LRP1B: variants seen among roughly 807,000 people sequenced by gnomAD.
LRP1B encodes low-density lipoprotein receptor-related protein 1B.
A neutral mutation model predicts 556.6 loss-of-function variants in LRP1B; 217 were observed. The ratio of observed to expected loss-of-function variants is 0.39; its 90% CI spans 0.35 to 0.44. The LOEUF (loss-of-function observed/expected upper bound fraction) is 0.44, where lower values mean the gene tolerates loss of function less well. LRP1B is among the 20% of genes least tolerant of loss of function. The pLI is 1.00. For synonymous variants in LRP1B, 2,047 were observed against 1,865.8 expected, an observed-to-expected ratio of 1.10 and a Z score of -2.50; for missense variants, 5,053 against 5,620.8, an observed-to-expected ratio of 0.90 and a Z score of 3.23.
At chr2:141,947,661 A>G (rs1456310201) in intron 1 of LRP1B, among the ~76,000 whole-genome samples, 2 of 152,120 alleles carry the variant, frequency 1.3e-5, no homozygotes, top group Non-Finnish European at 2.9e-5. Flanking sequence ...CTCTTTAAGT[A>G]TTAGGATTCC....
At chr2:141,033,425 G>C (rs965176636) in intron 11 of LRP1B, among the ~76,000 whole-genome samples, 1 of 152,008 alleles carries the variant, frequency 6.6e-6, no homozygotes, top group Non-Finnish European at 1.5e-5. Context: ...CTGTTGTGCT[G>C]AGAATAAGCT....
At chr2:141,544,091 C>T (rs1685368438) in intron 2 of LRP1B, among the ~76,000 whole-genome samples, 1 of 152,060 alleles carries the variant, frequency 6.6e-6, no homozygotes, top group Admixed American at 6.5e-5. Flanking sequence ...GGTCTTACCC[C>T]ACATTTCCAT....
At chr2:141,898,135 G>C (rs1558947833) in intron 1 of LRP1B, among the ~76,000 whole-genome samples, 1 of 152,068 alleles carries the variant, frequency 6.6e-6, no homozygotes, top group Non-Finnish European at 1.5e-5. Context: ...AGTAGGATTT[G>C]TTCCCTTCTG....
chr2:141,165,694 T>C (rs1363169412), intron 7 of LRP1B, among the ~76,000 whole-genome samples: 1 of 151,990 alleles, frequency 6.6e-6, no homozygotes, highest in Non-Finnish European at 1.5e-5. Context: ...GGAATAACAA[T>C]AGCAAAGAGG....
At chr2:141,743,501 C>CTTTTTTTTTTTTTTTTTTTTTT (rs796287062) in intron 2 of LRP1B, among the ~76,000 whole-genome samples, 14 of 119,022 alleles carry the variant, frequency 1.2e-4, no homozygotes, top group Non-Finnish European at 1.3e-4. Context: ...TTTTTTTTTT[C>CTTTTTTTTTTTTTTTTTTTTTT]TTTTTTTTTT....
intron 35 of LRP1B, among the ~76,000 whole-genome samples, chr2:140,762,850 A>T (rs1214785018): frequency 2.0e-5 from 3 of 152,184 alleles, no homozygotes; most frequent in Admixed American, 6.6e-5. Flanking sequence ...GCTATCAAAA[A>T]GACAAATTGA....
chr2:140,549,214 C>T (rs562764924), intron 43 of LRP1B, among the ~76,000 whole-genome samples: 3 of 152,162 alleles, frequency 2.0e-5, no homozygotes, highest in South Asian at 2.1e-4. Flanking sequence ...CCTGAGATTC[C>T]GCATTTCTCA....
intron 3 of LRP1B, among the ~76,000 whole-genome samples, chr2:141,406,541 A>G (rs1690641111): frequency 7.4e-6 from 1 of 135,914 alleles, no homozygotes; most frequent in East Asian, 2.4e-4. Context: ...TAGAGTATCT[A>G]TCTATCATCT....
intron 1 of LRP1B, among the ~76,000 whole-genome samples, chr2:141,883,094 C>T (rs1228701251): frequency 6.6e-6 from 1 of 152,104 alleles, no homozygotes; most frequent in Non-Finnish European, 1.5e-5. Flanking sequence ...GCCAAATAGA[C>T]AGTGACATAT....
rs1573965449 is a variant in LRP1B, at chr2:141,456,681, C to G, written c.343+23715G>C. On this transcript the variant is annotated intron_variant, in intron 3 of 90. Transcript: ENST00000389484. ...AGTCAACTTAGTTCAAAGAAATCTT[C>G]CTAGAGTTAAAATGCCTGGGCTGAG... Among the ~76,000 whole-genome samples the G allele has an allele frequency of 2.6e-5, 4 of 152,132 alleles. No individual in the cohort carries two copies. In the South Asian group the frequency reaches 8.3e-4, roughly 32 times the overall value.
chr2:142,074,874 CA>C (rs1705443948), intron 1 of LRP1B, among the ~76,000 whole-genome samples: 1 of 152,090 alleles, frequency 6.6e-6, no homozygotes, highest in South Asian at 2.1e-4. Flanking sequence ...TGACCTTCTT[CA>C]TCTAATCTTT....
chr2:141,929,584 G>A (rs545836005), intron 1 of LRP1B, among the ~76,000 whole-genome samples: 4 of 151,896 alleles, frequency 2.6e-5, no homozygotes, highest in South Asian at 2.1e-4. Context: ...TGATTGCTTC[G>A]TTCATCACGG....
At chr2:141,200,692 T>G (rs1274682456) in intron 6 of LRP1B, among the ~76,000 whole-genome samples, 1 of 152,118 alleles carries the variant, frequency 6.6e-6, no homozygotes, top group African/African-American at 2.4e-5. Context: ...AATTTTATTT[T>G]TCTTGTAGTT....
chr2:140,555,397 A>G (rs181883809), intron 43 of LRP1B, among the ~76,000 whole-genome samples: 2 of 152,236 alleles, frequency 1.3e-5, no homozygotes, highest in Non-Finnish European at 2.9e-5. Context: ...GCCTAGGACT[A>G]TTAGCATGGG....
chr2:142,028,001 C>CAGATTACAAATACAAACTT (rs1703566172), intron 1 of LRP1B, among the ~76,000 whole-genome samples: 1 of 151,914 alleles, frequency 6.6e-6, no homozygotes, highest in Non-Finnish European at 1.5e-5. Context: ...ACTTACAAGA[C>CAGATTACAAATACAAACTT]AGAAGTTAAC....
intron 1 of LRP1B, among the ~76,000 whole-genome samples, chr2:142,044,050 CATATT>C (rs1462154235): frequency 6.6e-6 from 1 of 151,620 alleles, no homozygotes; most frequent in Non-Finnish European, 1.5e-5. Context: ...TCTTCAATAA[CATATT>C]TTATTTATGT....
intron 2 of LRP1B, among the ~76,000 whole-genome samples, chr2:141,773,567 C>T (rs931497601): frequency 6.6e-6 from 1 of 152,232 alleles, no homozygotes; most frequent in East Asian, 1.9e-4. Context: ...AAGGCTAGCA[C>T]AAGCTGGTGT....
intron 2 of LRP1B, among the ~76,000 whole-genome samples, chr2:141,757,180 T>G (rs1490544056): frequency 1.3e-5 from 2 of 152,130 alleles, no homozygotes; most frequent in Non-Finnish European, 2.9e-5. Context: ...GCAGTAGAAA[T>G]TTTTTTAAGT....
At chr2:141,691,249 C>G (rs770748461) in intron 2 of LRP1B, among the ~76,000 whole-genome samples, 4 of 151,684 alleles carry the variant, frequency 2.6e-5, no homozygotes, top group Non-Finnish European at 4.4e-5. Context: ...AGGAATGACT[C>G]CTCTATTTTG....
Sources: gnomAD v4.1 joint callset for allele counts (sites outside exome capture counted in the v4.1 genomes callset) on GRCh38, gnomAD v4.1.1 for gene constraint, MANE v1.5 for transcripts, NCBI Gene and HGNC (gene_info 2026-07-23, HGNC 2026-07-21) for gene names.